Variants in UBR3 observed in about 807,000 individuals in gnomAD.
UBR3 encodes the protein E3 ubiquitin-protein ligase UBR3.
UBR3 carries 85 observed loss-of-function variants against 243.2 expected under a neutral mutation model. The observed-to-expected ratio is 0.35, with a 90% CI of 0.29 to 0.42. UBR3 has a LOEUF of 0.42. UBR3 is among the 10% of genes least tolerant of loss of function. The pLI, the probability that UBR3 is intolerant of heterozygous loss-of-function variation, is 1.00. For synonymous variants in UBR3, 748 were observed against 799.8 expected (o/e 0.94, Z 1.09); for missense variants, 1,686 against 2,300.8 (o/e 0.73, Z 5.47).
At chr2:170,042,871 C>G (rs1258274959) in intron 32 of UBR3, among the ~76,000 whole-genome samples, 1 of 151,824 alleles carries the variant, frequency 6.6e-6, no homozygotes, top group Non-Finnish European at 1.5e-5. Flanking sequence ...ACTGTGTCTG[C>G]TAATTTAATC....
chr2:169,861,768 A>G (rs2083100693), intron 1 of UBR3, among the ~76,000 whole-genome samples: 1 of 152,102 alleles, frequency 6.6e-6, no homozygotes, highest in Admixed American at 6.6e-5. Context: ...TGTCATACTT[A>G]AGCTGTCTCT....
chr2:170,052,556 A>T (rs2091242521), intron 32 of UBR3, among the ~76,000 whole-genome samples: 1 of 152,244 alleles, frequency 6.6e-6, no homozygotes, highest in African/African-American at 2.4e-5. Context: ...GACAGCATGG[A>T]TGAACCCATA....
At chr2:169,829,131 T>A (rs2081843113) in intron 1 of UBR3, among the ~76,000 whole-genome samples, 1 of 152,250 alleles carries the variant, frequency 6.6e-6, no homozygotes, top group South Asian at 2.1e-4. Context: ...AATCTTTTTA[T>A]AAATGGTCAC....
chr2:169,890,716 A>G (rs1161009757), intron 5 of UBR3, among the ~76,000 whole-genome samples: 1 of 147,706 alleles, frequency 6.8e-6, no homozygotes, highest in Non-Finnish European at 1.5e-5. Context: ...AATATGTTGT[A>G]TTTATTTTTC....
At chr2:169,906,575 A>ATTGGT (rs1016579584) in intron 10 of UBR3, among the ~76,000 whole-genome samples, 5 of 151,948 alleles carry the variant, frequency 3.3e-5, no homozygotes, top group Non-Finnish European at 5.9e-5. Flanking sequence ...TATTATAAGC[A>ATTGGT]TTGGTTTGAT....
chr2:170,020,020 A>G (rs545637165), intron 30 of UBR3, among the ~76,000 whole-genome samples: 3 of 152,232 alleles, frequency 2.0e-5, no homozygotes, highest in Non-Finnish European at 4.4e-5. Context: ...GCATCAAGCA[A>G]TCCTCCCACC....
At chr2:169,847,700 C>T (rs1178056244) in intron 1 of UBR3, among the ~76,000 whole-genome samples, 2 of 152,120 alleles carry the variant, frequency 1.3e-5, no homozygotes, top group Non-Finnish European at 2.9e-5. Context: ...TTCTCCACTA[C>T]TGAGGAAAGA....
At chr2:170,024,497 TATTCCTGAGGTC>T (rs1470486484) in intron 30 of UBR3, among the ~76,000 whole-genome samples, 1 of 152,074 alleles carries the variant, frequency 6.6e-6, no homozygotes, top group Non-Finnish European at 1.5e-5. Flanking sequence ...TTTAAGTGGA[TATTCCTGAGGTC>T]ATAAAAATTG....
At chr2:170,077,254 A>G (rs1017714389) in intron 36 of UBR3, 7 of 736,928 alleles carry the variant, frequency 9.5e-6, no homozygotes, top group Non-Finnish European at 1.5e-5. Context: ...TTATACATCC[A>G]TCATTTTCAG....
chr2:170,066,966 A>AAATAATAATAAT (rs6147024), intron 35 of UBR3, among the ~76,000 whole-genome samples: 5,017 of 102,504 alleles, frequency 0.049, 144 homozygotes, highest in African/African-American at 0.082. Context: ...TCCGTCTCTA[A>AAATAATAATAAT]AATAATAATA....
rs2086946508 is a variant in UBR3 at position 169,949,981 on chromosome 2, A to G, written c.3461A>G (p.Glu1154Gly). ...SQSRMNKRII[E>G]EICRKVTPPV... is the part of the protein sequence containing the mutation. ...AGTAGAATGAACAAACGCATCATTG[A>G]AGAGATATGTAGAAAAGTGACCCCT... is the stretch of plus-strand genomic sequence containing the variant. Residue 1154 changes from glutamate to glycine, a missense_variant, in exon 23 of 39, where the codon GAA (glutamate) becomes GGA (glycine). Physicochemically the swap from Glu to Gly is moderately conservative, Grantham distance 98. This residue lies in a region of UBR3 where 300 missense variants were observed against 314.4 expected (regional missense o/e 0.95). Transcript: ENST00000272793. The G allele has an allele frequency of 6.2e-7, 1 of 1,613,558 alleles. No homozygotes were observed. Among genetic ancestry groups the G allele is most frequent in the Non-Finnish European group, 8.5e-7 (1 of 1,179,724 alleles).
At chr2:169,880,195 T>TG (rs772902218) in intron 5 of UBR3, among the ~76,000 whole-genome samples, 2 of 152,150 alleles carry the variant, frequency 1.3e-5, no homozygotes, top group Non-Finnish European at 2.9e-5. Flanking sequence ...AGTAGGAACT[T>TG]TAGACAACTA....
At chr2:169,896,882 T>C (rs552245551) in intron 8 of UBR3, 147 bp downstream of exon 8, 1 of 546,764 alleles carries the variant, frequency 1.8e-6, no homozygotes, top group Non-Finnish European at 2.9e-6. Context: ...TTTGTATAAC[T>C]AGTCTTGAAA....
intron 32 of UBR3, among the ~76,000 whole-genome samples, chr2:170,050,830 G>A (rs1159747778): frequency 6.6e-6 from 1 of 152,148 alleles, no homozygotes; most frequent in Non-Finnish European, 1.5e-5. Context: ...TCTGTTAAAT[G>A]AACAAGTGAA....
rs151177799 is a variant in UBR3 at position 169,880,422 on chromosome 2, T to TA, written c.1038+1853dup. Among the ~76,000 whole-genome samples the TA allele has an allele frequency of 6.9e-3, 1,053 of 152,324 alleles. 6 individuals are homozygous for TA. The highest frequency in any genetic ancestry group is 0.024 in the African/African-American group (988 of 41,556). On this transcript the variant is annotated intron_variant, in intron 5 of 38. Transcript: ENST00000272793. ...GAATTGAATTTTATTTCTGGATATG[T>TA]AAAAAGCTGATCTTCAACACAGATG... is the stretch of plus-strand genomic sequence containing the variant.
rs2082077491 is a variant in UBR3 at position 169,835,998 on chromosome 2, TCTCTCTCTCTCTCTCTC to T, written c.545+7947_545+7963del. On this transcript the variant is annotated intron_variant, in intron 1 of 38. Coordinates refer to ENST00000272793, the MANE Select transcript of UBR3 (RefSeq NM_172070.4). ...CTGAAATTCCTGTGTGCACTGTCTC[TCTCTCTCTCTCTCTCTC>T]TCTCTCTCTCTCTCTCTCTCTCTCT... 2.3e-3 allele frequency among the ~76,000 whole-genome samples: 74 copies of T among 32,116 alleles called. 3 individuals are homozygous for T. Among genetic ancestry groups the T allele is most frequent in the African/African-American group, 5.5e-3 (60 of 11,000 alleles). 21.1% of individuals were successfully genotyped at this position (32,116 alleles called of 152,430 possible).
intron 7 of UBR3, among the ~76,000 whole-genome samples, chr2:169,895,634 C>A (rs2084554544): frequency 6.6e-6 from 1 of 152,160 alleles, no homozygotes; most frequent in African/African-American, 2.4e-5. Context: ...TCTAAATCCT[C>A]TGAAGAAGAG....
At chr2:170,015,183 G>C in intron 29 of UBR3, 98 bp from the exon 30 acceptor site, 1 of 1,002,944 alleles carries the variant, frequency 1.0e-6, no homozygotes, top group South Asian at 1.9e-5. Flanking sequence ...AAATAAAGTT[G>C]AAGAACTTTA....
chr2:170,075,923 A>AC (rs2091798261), intron 36 of UBR3, among the ~76,000 whole-genome samples: 1 of 152,140 alleles, frequency 6.6e-6, no homozygotes, highest in African/African-American at 2.4e-5. Flanking sequence ...GAAAAAAAAA[A>AC]AAAAACAGGA....
Sources: gnomAD v4.1 joint callset for allele counts (sites outside exome capture counted in the v4.1 genomes callset) on GRCh38, gnomAD v4.1.1 for gene constraint, gnomAD v4.1.1 regional missense constraint, MANE v1.5 for transcripts, NCBI Gene and HGNC (gene_info 2026-07-23, HGNC 2026-07-21) for gene names.